Variants in LRP1B observed in about 807,000 individuals in gnomAD.
The protein encoded by LRP1B is low-density lipoprotein receptor-related protein 1B.
LRP1B carries 217 observed loss-of-function variants against 556.6 expected under a neutral mutation model. The observed-to-expected ratio is 0.39, with a 90% CI of 0.35 to 0.44. The LOEUF (loss-of-function observed/expected upper bound fraction) is 0.44, where lower values mean the gene tolerates loss of function less well. Among genes scored for constraint, LRP1B ranks in the 20% least tolerant of loss-of-function variants. LRP1B has a pLI of 1.00. For missense variants in LRP1B, 5,053 were observed against 5,620.8 expected (o/e 0.90, Z 3.23); for synonymous variants, 2,047 against 1,865.8 (o/e 1.10, Z -2.50).
intron 45 of LRP1B, among the ~76,000 whole-genome samples, chr2:140,538,029 T>A (rs773945367): frequency 4.6e-5 from 7 of 152,136 alleles, no homozygotes; most frequent in Non-Finnish European, 1.0e-4. Context: ...GTAAGTAGAA[T>A]TCATTCATCT....
At chr2:140,444,307 CAG>C (rs1231428979) in intron 65 of LRP1B, 21 bp downstream of exon 65, 3 of 1,613,122 alleles carry the variant, frequency 1.9e-6, no homozygotes, top group African/African-American at 2.7e-5. Flanking sequence ...TAAGACAAGA[CAG>C]AGTATTTTGA....
rs558801552 is a variant in LRP1B, at chr2:140,935,598, C to A, written c.3137-12451G>T. On this transcript the variant is annotated intron_variant, in intron 20 of 90. Coordinates refer to ENST00000389484, the MANE Select transcript of LRP1B (RefSeq NM_018557.3). The stretch of plus-strand genomic sequence containing the variant: ...TTTTCCAGAAGGAGGAGGAAGGGAG[C>A]GAGAATATCTAAAGAAAACTTTAAA... Among the ~76,000 whole-genome samples the A allele has an allele frequency of 1.3e-4, 19 of 151,884 alleles. No individual in the cohort carries two copies. In the South Asian group the frequency reaches 2.3e-3, roughly 18 times the overall value.
At chr2:141,577,890 A>C (rs1002293561) in intron 2 of LRP1B, among the ~76,000 whole-genome samples, 2 of 152,220 alleles carry the variant, frequency 1.3e-5, no homozygotes, top group African/African-American at 4.8e-5. Context: ...AAATCAAGGC[A>C]GGAAGGAATG....
chr2:140,908,390 AT>A (rs1428717207), intron 21 of LRP1B, among the ~76,000 whole-genome samples: 6 of 138,638 alleles, frequency 4.3e-5, no homozygotes, highest in African/African-American at 1.2e-4. Flanking sequence ...ATATATATAT[AT>A]AAAAAGAAGG....
chr2:140,729,600 A>G (rs533421808), intron 35 of LRP1B, among the ~76,000 whole-genome samples: 1 of 152,312 alleles, frequency 6.6e-6, no homozygotes, highest in South Asian at 2.1e-4. Flanking sequence ...ATGTGAATCA[A>G]TACTTTCTAT....
chr2:141,531,864 G>A (rs1684887084), intron 2 of LRP1B, among the ~76,000 whole-genome samples: 1 of 152,036 alleles, frequency 6.6e-6, no homozygotes, highest in African/African-American at 2.4e-5. Flanking sequence ...GTGGGGTGGA[G>A]GCATTATAGA....
chr2:141,004,765 G>A (rs1697520295), intron 15 of LRP1B, among the ~76,000 whole-genome samples: 1 of 152,040 alleles, frequency 6.6e-6, no homozygotes, highest in South Asian at 2.1e-4. Context: ...GGCACCACAT[G>A]GGGTAGAAGG....
At chr2:141,392,449 T>C (rs1032837956) in intron 3 of LRP1B, among the ~76,000 whole-genome samples, 19 of 119,428 alleles carry the variant, frequency 1.6e-4, no homozygotes, top group Admixed American at 5.7e-4. Context: ...ATCATCAGCA[T>C]TGTCCTCTCT....
intron 88 of LRP1B, 71 bp from the exon 89 acceptor site, chr2:140,238,367 T>G (rs1680802726): frequency 1.3e-6 from 1 of 750,374 alleles, no homozygotes; most frequent in Admixed American, 3.2e-5. Context: ...GAAATTATAT[T>G]TATAGATTTA....
At chr2:140,569,323 C>A (rs1020462274) in intron 43 of LRP1B, among the ~76,000 whole-genome samples, 3 of 151,804 alleles carry the variant, frequency 2.0e-5, no homozygotes, top group Non-Finnish European at 3.0e-5. Flanking sequence ...AAAGGAATTT[C>A]TTTGACCTAT....
At chr2:140,596,418 G>T (rs561209352) in intron 43 of LRP1B, among the ~76,000 whole-genome samples, 1 of 152,254 alleles carries the variant, frequency 6.6e-6, no homozygotes, top group Non-Finnish European at 1.5e-5. Flanking sequence ...TTTTACTGAT[G>T]TTCTTAAAAT....
chr2:142,082,401 T>C (rs2044731), intron 1 of LRP1B, among the ~76,000 whole-genome samples: 37,387 of 152,020 alleles, frequency 0.25, 4,903 homozygotes, highest in Non-Finnish European at 0.26. Context: ...AGTATTATCA[T>C]TGGGGAGAGA....
At chr2:141,067,859 G>A (rs2105477372) in intron 7 of LRP1B, among the ~76,000 whole-genome samples, 1 of 152,036 alleles carries the variant, frequency 6.6e-6, no homozygotes, top group East Asian at 2.0e-4. Flanking sequence ...TAGCATGGGA[G>A]GGTGTGAGAG....
chr2:141,074,512 G>A (rs1406614318), intron 7 of LRP1B, among the ~76,000 whole-genome samples: 2 of 150,328 alleles, frequency 1.3e-5, no homozygotes, highest in Non-Finnish European at 3.0e-5. Context: ...AGTGTTATAT[G>A]CTTAGAACTT....
intron 2 of LRP1B, among the ~76,000 whole-genome samples, chr2:141,769,740 C>T (rs1296939190): frequency 6.6e-6 from 1 of 152,154 alleles, no homozygotes; most frequent in East Asian, 1.9e-4. Flanking sequence ...TACTAATGAC[C>T]TTTCCATTGG....
chr2:141,864,563 GAAAAA>G (rs11320074), intron 1 of LRP1B, among the ~76,000 whole-genome samples: 1 of 144,046 alleles, frequency 6.9e-6, no homozygotes, highest in African/African-American at 2.6e-5. Context: ...AATCTTGAGG[GAAAAA>G]AAAAAAAAAA....
intron 2 of LRP1B, among the ~76,000 whole-genome samples, chr2:141,710,022 T>A (rs1188176353): frequency 6.6e-6 from 1 of 151,916 alleles, no homozygotes; most frequent in Non-Finnish European, 1.5e-5. Flanking sequence ...CGGGTATTAA[T>A]CCCATTATAA....
intron 1 of LRP1B, among the ~76,000 whole-genome samples, chr2:141,927,672 C>T (rs960232043): frequency 1.3e-5 from 2 of 151,916 alleles, no homozygotes; most frequent in African/African-American, 4.8e-5. Flanking sequence ...TCAGTTGTTG[C>T]AGCTAAGAAC....
chr2:140,574,486 T>C (rs1681443613), intron 43 of LRP1B, among the ~76,000 whole-genome samples: 1 of 152,150 alleles, frequency 6.6e-6, no homozygotes, highest in Non-Finnish European at 1.5e-5. Context: ...CATAACTTAG[T>C]GATTGGAGGG....
Sources: allele counts gnomAD v4.1 joint callset (sites outside exome capture counted in the v4.1 genomes callset), GRCh38; gene constraint gnomAD v4.1.1; transcripts MANE v1.5; gene names NCBI Gene and HGNC (gene_info 2026-07-23, HGNC 2026-07-21).